The following C1D variants were observed in gnomAD, a reference collection of about 807,000 sequenced individuals.
C1D encodes C1D nuclear receptor corepressor, also known as nuclear nucleic acid-binding protein C1D.
C1D carries 10 observed loss-of-function variants against 17.5 expected under a neutral mutation model. The observed-to-expected ratio is 0.57, with a 90% CI of 0.35 to 0.97. The LOEUF (loss-of-function observed/expected upper bound fraction) is 0.97, where lower values mean the gene tolerates loss of function less well. C1D is among the 50% of genes least tolerant of loss of function. The pLI, the probability that C1D is intolerant of heterozygous loss-of-function variation, is 0.01. For missense variants in C1D, 136 were observed against 160.1 expected (o/e 0.85, Z 0.81); for synonymous variants, 49 against 54.0 (o/e 0.91, Z 0.40).
At chr2:68,050,968 C>G (rs2103803618) in intron 1 of C1D, among the ~76,000 whole-genome samples, 1 of 152,202 alleles carries the variant, frequency 6.6e-6, no homozygotes, top group East Asian at 1.9e-4. Context: ...TGACTACTCT[C>G]TCTCACTTCA....
chr2:68,060,841 G>C (rs554125810), intron 1 of C1D, among the ~76,000 whole-genome samples: 1 of 152,246 alleles, frequency 6.6e-6, no homozygotes, highest in South Asian at 2.1e-4. Flanking sequence ...GATTCATGTC[G>C]AGGCACATTT....
At chr2:68,058,430 A>G (rs1458988608) in intron 1 of C1D, among the ~76,000 whole-genome samples, 1 of 152,236 alleles carries the variant, frequency 6.6e-6, no homozygotes, top group Non-Finnish European at 1.5e-5. Context: ...CTTCCTCAAG[A>G]AAGCACTCGA....
chr2:68,060,215 C>G (rs1173756410), intron 1 of C1D, among the ~76,000 whole-genome samples: 3 of 152,250 alleles, frequency 2.0e-5, no homozygotes, highest in African/African-American at 7.2e-5. Context: ...TCCACCTTCA[C>G]TTCTTTCCAG....
intron 4 of C1D, among the ~76,000 whole-genome samples, chr2:68,044,437 G>A (rs1236181470): frequency 6.6e-6 from 1 of 152,234 alleles, no homozygotes; most frequent in Non-Finnish European, 1.5e-5. Context: ...GGTCAGAAAA[G>A]GGGAACAGGC....
intron 1 of C1D, among the ~76,000 whole-genome samples, chr2:68,058,749 C>T (rs1404272640): frequency 1.3e-5 from 2 of 152,174 alleles, no homozygotes; most frequent in East Asian, 1.9e-4. Flanking sequence ...CCCATCTTTA[C>T]CCTATTCCCC....
At chr2:68,053,043 A>T in intron 1 of C1D, 1 of 1,547,460 alleles carries the variant, frequency 6.5e-7, no homozygotes, top group Non-Finnish European at 8.7e-7. Flanking sequence ...AAAATTTCCA[A>T]AGAAGAAAAG....
At chr2:68,061,335 G>C (rs1671623622) in intron 1 of C1D, among the ~76,000 whole-genome samples, 2 of 152,130 alleles carry the variant, frequency 1.3e-5, no homozygotes, top group African/African-American at 4.8e-5. Flanking sequence ...TACAATTCCT[G>C]AGTAAATATA....
At chr2:68,062,026 A>C (rs887747411) in intron 1 of C1D, among the ~76,000 whole-genome samples, 1 of 152,228 alleles carries the variant, frequency 6.6e-6, no homozygotes, top group Non-Finnish European at 1.5e-5. Context: ...TTTTTGAATC[A>C]AAAATACAGA....
intron 4 of C1D, among the ~76,000 whole-genome samples, chr2:68,043,871 T>C (rs914651078): frequency 6.6e-6 from 1 of 152,238 alleles, no homozygotes; most frequent in Non-Finnish European, 1.5e-5. Context: ...CCACACTCTC[T>C]AGTGACGTCC....
intron 1 of C1D, among the ~76,000 whole-genome samples, chr2:68,050,484 T>C (rs1671249176): frequency 6.6e-6 from 1 of 152,180 alleles, no homozygotes; most frequent in Non-Finnish European, 1.5e-5. Context: ...CTTGGCAAGG[T>C]CACCCACACT....
intron 4 of C1D, among the ~76,000 whole-genome samples, chr2:68,045,644 G>C (rs1671097898): frequency 6.6e-6 from 1 of 151,812 alleles, no homozygotes; most frequent in African/African-American, 2.4e-5. Flanking sequence ...GTCTTTGCTA[G>C]TAAATCAACT....
chr2:68,045,196 T>C (rs1401334462), intron 4 of C1D, among the ~76,000 whole-genome samples: 3 of 152,180 alleles, frequency 2.0e-5, no homozygotes, highest in Non-Finnish European at 4.4e-5. Context: ...GTAAATAACA[T>C]ACATATCAAC....
chr2:68,054,991 A>G (rs199498489), intron 1 of C1D, among the ~76,000 whole-genome samples: 13 of 151,526 alleles, frequency 8.6e-5, no homozygotes, highest in African/African-American at 3.2e-4. Flanking sequence ...AAAAAAAAAA[A>G]AAGACTATTG....
At chr2:68,060,092 T>C (rs72906865) in intron 1 of C1D, among the ~76,000 whole-genome samples, 5,892 of 152,318 alleles carry the variant, frequency 0.039, 344 homozygotes, top group African/African-American at 0.13. Context: ...TCCCTTCTTC[T>C]AGTTGCTCAA....
At chr2:68,057,961 A>G (rs1671485998) in intron 1 of C1D, among the ~76,000 whole-genome samples, 1 of 152,182 alleles carries the variant, frequency 6.6e-6, no homozygotes, top group African/African-American at 2.4e-5. Context: ...GCAAGTTCTC[A>G]TCTTCTCTTT....
chr2:68,044,181 A>C (rs1300111539), intron 4 of C1D, among the ~76,000 whole-genome samples: 1 of 152,102 alleles, frequency 6.6e-6, no homozygotes, highest in East Asian at 1.9e-4. Context: ...ATTCATATAT[A>C]TTTCTTATTT....
chr2:68,051,730 C>T (rs910254156), intron 1 of C1D, among the ~76,000 whole-genome samples: 8 of 151,814 alleles, frequency 5.3e-5, no homozygotes, highest in African/African-American at 1.9e-4. Flanking sequence ...CCTCCCTTAC[C>T]AATACCTTCA....
chr2:68,056,171 G>A (rs1671433015), intron 1 of C1D, among the ~76,000 whole-genome samples: 1 of 152,200 alleles, frequency 6.6e-6, no homozygotes, highest in Non-Finnish European at 1.5e-5. Context: ...CGCCCAAGCT[G>A]GAGTGCAGTG....
At chr2:68,055,603 G>A (rs1671415646) in intron 1 of C1D, among the ~76,000 whole-genome samples, 1 of 152,178 alleles carries the variant, frequency 6.6e-6, no homozygotes, top group Non-Finnish European at 1.5e-5. Context: ...AGATAGTTCT[G>A]TGAGAAAGAA....
Sources: allele counts gnomAD v4.1 joint callset (sites outside exome capture counted in the v4.1 genomes callset), GRCh38; gene constraint gnomAD v4.1.1; transcripts MANE v1.5; gene names NCBI Gene and HGNC (gene_info 2026-07-23, HGNC 2026-07-21).